The following SMAP2 variants were observed in gnomAD, a reference collection of about 807,000 sequenced individuals.
SMAP2 encodes the protein small ArfGAP2.
A neutral mutation model predicts 56.4 loss-of-function variants in SMAP2; 25 were observed. The ratio of observed to expected loss-of-function variants is 0.44; its 90% CI spans 0.32 to 0.62. The LOEUF is 0.62. Ranked by LOEUF, SMAP2 falls within the 20% of genes least tolerant of loss-of-function variation. SMAP2 has a pLI of 0.04. For synonymous variants in SMAP2, 157 were observed against 181.7 expected (o/e 0.86, Z 1.09); for missense variants, 388 against 545.6 (o/e 0.71, Z 2.88).
chr1:40,371,219 T>C (rs1489818871), upstream of SMAP2, among the ~76,000 whole-genome samples: 1 of 151,960 alleles, frequency 6.6e-6, no homozygotes, highest in Non-Finnish European at 1.5e-5. Context: ...TATGATAAGA[T>C]AACATGTGCA....
Position 40,386,190 on chromosome 1 carries a change from C to T in SMAP2, c.103+11967C>T, listed in dbSNP as rs143244032. Among the ~76,000 whole-genome samples, 525 of 152,218 alleles carry T rather than the reference C, an allele frequency of 3.4e-3. 3 individuals carry two copies. The highest frequency in any genetic ancestry group is 0.012 in the African/African-American group (498 of 41,524). ...AAATAGCTGAAAACAGCAGAGCTGA[C>T]GGAAACCAATTTGAGTGTGACAGCT... On this transcript the variant is annotated intron_variant, in intron 1 of 9. Transcript: ENST00000372718. The surrounding 1 kb of genome is among the most constrained non-coding windows in gnomAD (Gnocchi z 4.1).
At chr1:40,388,584 G>C (rs2124263382) in intron 1 of SMAP2, among the ~76,000 whole-genome samples, 1 of 152,172 alleles carries the variant, frequency 6.6e-6, no homozygotes, top group South Asian at 2.1e-4. Flanking sequence ...AGCTAATCTG[G>C]TGGGGATGTG....
chr1:40,391,329 T>C (rs1644713860), intron 1 of SMAP2, among the ~76,000 whole-genome samples: 1 of 152,216 alleles, frequency 6.6e-6, no homozygotes, highest in Admixed American at 6.5e-5. Context: ...ATGCCGACGC[T>C]TGATTATGAG....
chr1:40,401,374 G>T (rs1644832866), intron 1 of SMAP2, among the ~76,000 whole-genome samples: 2 of 152,162 alleles, frequency 1.3e-5, no homozygotes, highest in South Asian at 2.1e-4. Flanking sequence ...CACAGGATTT[G>T]GATGGAAGAT....
rs1645051106 is a variant in SMAP2 at position 40,422,259 on chromosome 1, C to G, written c.*158C>G. The G allele has an allele frequency of 1.0e-6, 1 of 979,480 alleles. No homozygotes were observed. The highest frequency in any genetic ancestry group is 2.4e-5 in the Admixed American group (1 of 42,064). The allele number at this position is 979,480 out of a possible 1,614,324, so 60.7% of individuals were successfully genotyped here. A position where few individuals can be genotyped will look rare whatever the true frequency, so the allele number is the denominator to read the frequency against. On this transcript the variant is annotated 3_prime_UTR_variant, in exon 10 of 10. Coordinates refer to ENST00000372718, the MANE Select transcript of SMAP2 (RefSeq NM_022733.3). ...GTTTGGCATCCTGCCCAGCCACTTC[C>G]CAAACATGAAGACCTCTCTGTTGCT...
chr1:40,347,229 TGTGTGTGTGTG>T (rs1644390211), intron 1 of SMAP2, among the ~76,000 whole-genome samples: 1 of 115,040 alleles, frequency 8.7e-6, no homozygotes, highest in African/African-American at 4.5e-5. Flanking sequence ...TGTGTGTGTT[TGTGTGTGTGTG>T]TTTTGTTTTT....
At chr1:40,417,195 G>T in intron 9 of SMAP2, 99 bp downstream of exon 9, 6 of 697,254 alleles carry the variant, frequency 8.6e-6, no homozygotes, top group East Asian at 3.1e-5. Context: ...TTTCCATGTA[G>T]ATGAGATAAT....
chr1:40,375,822 T>A, intron 1 of SMAP2: 1 of 884,122 alleles, frequency 1.1e-6, no homozygotes, highest in Non-Finnish European at 1.3e-6. Flanking sequence ...TTTTGGTGAC[T>A]AGAACCCCCC....
chr1:40,377,105 G>C (rs1467525432), intron 1 of SMAP2, among the ~76,000 whole-genome samples: 1 of 152,090 alleles, frequency 6.6e-6, no homozygotes, highest in African/African-American at 2.4e-5. Flanking sequence ...GGGCAACATA[G>C]TGTGACCTTG....
At chr1:40,364,522 C>T (rs938932355) in intron 2 of SMAP2, among the ~76,000 whole-genome samples, 2 of 152,250 alleles carry the variant, frequency 1.3e-5, no homozygotes, top group African/African-American at 2.4e-5. Flanking sequence ...GCAGGAGGAT[C>T]GCTTGATTCC....
intron 1 of SMAP2, among the ~76,000 whole-genome samples, chr1:40,404,282 A>G (rs1344525071): frequency 6.6e-6 from 1 of 152,230 alleles, no homozygotes; most frequent in African/African-American, 2.4e-5. Context: ...GGATATAACT[A>G]TCACTATATT....
intron 5 of SMAP2, 34 bp downstream of exon 5, chr1:40,413,136 C>G (rs1427980685): frequency 2.0e-6 from 3 of 1,499,824 alleles, no homozygotes. Flanking sequence ...GTATGGACAG[C>G]CTCAGGTATG....
At position 40,414,192 on chromosome 1, in the gene SMAP2, A is replaced by G; in HGVS notation, c.523A>G (p.Lys175Glu). 6.2e-7 allele frequency: 1 copy of G among 1,614,180 alleles called. No individual in the cohort carries two copies. Among genetic ancestry groups the G allele is most frequent in the Non-Finnish European group, 8.5e-7 (1 of 1,179,990 alleles). The change falls in exon 6 of 10, where the codon AAA (lysine) becomes GAA (glutamate). Residue 175 changes from lysine (K) to glutamate (E), a missense_variant. Physicochemically the swap from Lys to Glu is moderately conservative, Grantham distance 56. Transcript: ENST00000372718. The part of the protein sequence containing the change: ...QKKEDPQLPR[K>E]SSPKSTAPVM... ...AAAAGAAGACCCACAGCTACCTCGG[A>G]AAAGCTCCCCGAAATCCACAGCGCC...
At chr1:40,349,667 T>C (rs1644402463) in intron 1 of SMAP2, among the ~76,000 whole-genome samples, 1 of 152,110 alleles carries the variant, frequency 6.6e-6, no homozygotes, top group Non-Finnish European at 1.5e-5. Context: ...TACAGGCACG[T>C]GCCACCACAT....
chr1:40,361,049 C>T (rs1644457893), intron 1 of SMAP2, among the ~76,000 whole-genome samples: 1 of 152,186 alleles, frequency 6.6e-6, no homozygotes. Context: ...CATCCCTTCC[C>T]CAATTGCAGG....
intron 1 of SMAP2, among the ~76,000 whole-genome samples, chr1:40,350,763 T>C (rs938156916): frequency 6.6e-6 from 1 of 152,180 alleles, no homozygotes; most frequent in African/African-American, 2.4e-5. Flanking sequence ...CAGGAATTAA[T>C]TGGAAGGAAC....
intron 7 of SMAP2, 126 bp from the exon 8 acceptor site, chr1:40,416,050 G>A: frequency 1.2e-6 from 1 of 862,714 alleles, no homozygotes. Flanking sequence ...AAAATGTTAG[G>A]AAGCTATTAA....
chr1:40,396,098 A>G (rs1008260050), intron 1 of SMAP2, among the ~76,000 whole-genome samples: 1 of 152,186 alleles, frequency 6.6e-6, no homozygotes, highest in Admixed American at 6.5e-5. Flanking sequence ...TTGGTTGAGT[A>G]TATAAGTGGC....
chr1:40,373,306 AT>A (rs993412206), upstream of SMAP2, among the ~76,000 whole-genome samples: 1 of 152,098 alleles, frequency 6.6e-6, no homozygotes, highest in Non-Finnish European at 1.5e-5. Context: ...GGACTCTTAT[AT>A]TTGGCTGTTG....
Sources: allele counts gnomAD v4.1 joint callset (sites outside exome capture counted in the v4.1 genomes callset), GRCh38; gene constraint gnomAD v4.1.1; non-coding constraint Gnocchi (gnomAD v3.1); transcripts MANE v1.5; gene names NCBI Gene and HGNC (gene_info 2026-07-23, HGNC 2026-07-21).